KATNBL1: variants seen among roughly 807,000 people sequenced by gnomAD.
KATNBL1 encodes the protein KATNB1-like protein 1.
A neutral mutation model predicts 44.7 loss-of-function variants in KATNBL1; 28 were observed. The observed-to-expected ratio is 0.63, with a 90% CI of 0.46 to 0.86. The LOEUF is 0.86. Ranked by LOEUF, KATNBL1 falls within the 40% of genes least tolerant of loss-of-function variation. The pLI, the probability that KATNBL1 is intolerant of heterozygous loss-of-function variation, is 0.00. For synonymous variants in KATNBL1, 78 were observed against 114.9 expected, an observed-to-expected ratio of 0.68 and a Z score of 2.06; for missense variants, 272 against 350.7, an observed-to-expected ratio of 0.78 and a Z score of 1.79.
intron 1 of KATNBL1, among the ~76,000 whole-genome samples, chr15:34,183,472 C>G (rs993800074): frequency 6.6e-6 from 1 of 152,168 alleles, no homozygotes; most frequent in Non-Finnish European, 1.5e-5. Context: ...TTAGGTCAAA[C>G]AGATCCATGT....
chr15:34,179,550 C>A (rs754394599), intron 1 of KATNBL1, among the ~76,000 whole-genome samples: 1 of 152,014 alleles, frequency 6.6e-6, no homozygotes, highest in Non-Finnish European at 1.5e-5. Context: ...CCCAGGCTGG[C>A]CTCAAACTCC....
At chr15:34,192,393 G>C (rs1398015787) in intron 1 of KATNBL1, among the ~76,000 whole-genome samples, 2 of 134,846 alleles carry the variant, frequency 1.5e-5, no homozygotes, top group Non-Finnish European at 3.1e-5. Flanking sequence ...GACAGAGTGA[G>C]ACTCCATCTC....
intron 1 of KATNBL1, among the ~76,000 whole-genome samples, chr15:34,168,907 C>A (rs140155320): frequency 6.6e-6 from 1 of 152,124 alleles, no homozygotes. Context: ...AAAGACACAA[C>A]GAACCAGAAT....
chr15:34,152,355 C>A (rs1004789820), intron 4 of KATNBL1, among the ~76,000 whole-genome samples: 1 of 152,168 alleles, frequency 6.6e-6, no homozygotes, highest in Admixed American at 6.5e-5. Flanking sequence ...AGGCGCCCCC[C>A]ACCATGCCCG....
intron 1 of KATNBL1, among the ~76,000 whole-genome samples, chr15:34,166,937 G>A (rs573032221): frequency 1.8e-4 from 27 of 152,264 alleles, no homozygotes; most frequent in African/African-American, 4.6e-4. Flanking sequence ...AACCCCATCC[G>A]TAAGTCACCA....
intron 9 of KATNBL1, among the ~76,000 whole-genome samples, chr15:34,143,765 T>C (rs1228549496): frequency 1.6e-5 from 2 of 126,544 alleles, no homozygotes; most frequent in Non-Finnish European, 3.2e-5. Context: ...CTGGCTAACA[T>C]GGTGAAACCC....
At chr15:34,202,500 C>T (rs1051871775) in intron 1 of KATNBL1, among the ~76,000 whole-genome samples, 26 of 152,122 alleles carry the variant, frequency 1.7e-4, no homozygotes, top group Admixed American at 1.1e-3. Context: ...TATATTACAT[C>T]CCCAACAGTT....
intron 1 of KATNBL1, among the ~76,000 whole-genome samples, chr15:34,179,633 A>G (rs1187625989): frequency 6.6e-6 from 1 of 152,168 alleles, no homozygotes; most frequent in Non-Finnish European, 1.5e-5. Context: ...CCCACCTGGC[A>G]AGCAACAGTA....
chr15:34,209,792 C>A (rs762477769), intron 1 of KATNBL1, 159 bp downstream of exon 1: 2 of 150,742 alleles, frequency 1.3e-5, no homozygotes, highest in Non-Finnish European at 3.0e-5. Flanking sequence ...CTTGCCGCCC[C>A]GCCCCGGGAC....
At position 34,154,883 on chromosome 15, in the gene KATNBL1, C is replaced by T. The variant is rs144435444; in HGVS notation, c.118-199G>A. The T allele has an allele frequency of 4.9e-4, 283 of 581,864 alleles. 1 individual carries two copies. The East Asian group carries it at 8.0e-3, about 16-fold the overall frequency. 36.0% of individuals were successfully genotyped at this position (581,864 alleles called of 1,614,324 possible). On this transcript the variant is annotated intron_variant, in intron 2 of 9. Coordinates refer to ENST00000256544, the MANE Select transcript of KATNBL1 (RefSeq NM_024713.3). ...TTATCCCTAATGCAGCTAGTCCCTA[C>T]TACTGTGTCATTCCCCTATTGGCTA...
chr15:34,142,699 A>C (rs1888183728), intron 9 of KATNBL1: 1 of 269,752 alleles, frequency 3.7e-6, no homozygotes. Context: ...CAGCTTGACA[A>C]TAGCCTCTTT....
intron 1 of KATNBL1, among the ~76,000 whole-genome samples, chr15:34,184,305 C>A (rs868825793): frequency 8.0e-4 from 103 of 129,018 alleles, no homozygotes; most frequent in South Asian, 1.5e-3. Flanking sequence ...GACTCTGTCT[C>A]AAAAAAAAAA....
At chr15:34,149,344 T>A (rs189727854) in intron 4 of KATNBL1, among the ~76,000 whole-genome samples, 56 of 152,234 alleles carry the variant, frequency 3.7e-4, no homozygotes, top group African/African-American at 1.3e-3. Flanking sequence ...ATATAAACAC[T>A]CTGAAAAATT....
intron 1 of KATNBL1, among the ~76,000 whole-genome samples, chr15:34,166,741 G>A (rs1297395436): frequency 1.3e-5 from 2 of 152,216 alleles, no homozygotes; most frequent in South Asian, 2.1e-4. Context: ...AGCTTCCAGA[G>A]GAAGGATCAG....
chr15:34,206,076 T>G (rs1418315680), intron 1 of KATNBL1, among the ~76,000 whole-genome samples: 2 of 152,208 alleles, frequency 1.3e-5, no homozygotes. Context: ...CAGATGAGAT[T>G]AAATCACTTG....
At chr15:34,193,109 C>A (rs972811921) in intron 1 of KATNBL1, among the ~76,000 whole-genome samples, 4 of 145,008 alleles carry the variant, frequency 2.8e-5, no homozygotes, top group Non-Finnish European at 6.0e-5. Flanking sequence ...CCCAGCTACT[C>A]GGGAGGCTGA....
intron 2 of KATNBL1, among the ~76,000 whole-genome samples, chr15:34,161,032 A>G (rs560748179): frequency 6.6e-6 from 1 of 152,268 alleles, no homozygotes; most frequent in African/African-American, 2.4e-5. Flanking sequence ...AGGTTGGTAT[A>G]AACTCCAACC....
In KATNBL1 at chr15:34,141,390, GC is replaced by G. The variant is rs1888146644; in HGVS notation, c.*948del. 6.6e-6 allele frequency: 1 copy of G among 152,286 alleles called. No homozygotes were observed. The highest frequency in any genetic ancestry group is 1.5e-5 in the Non-Finnish European group (1 of 67,894). 9.4% of individuals were successfully genotyped at this position (152,286 alleles called of 1,614,324 possible). On this transcript the variant is annotated 3_prime_UTR_variant, in exon 10 of 10. Transcript: ENST00000256544. ...TCATATAAAATCAGAATTTAAAAAA[GC>G]AAAAAATAGAAATATTTAGTGAATT... is the stretch of plus-strand genomic sequence containing the variant.
At chr15:34,170,824 A>C (rs1305041096) in intron 1 of KATNBL1, among the ~76,000 whole-genome samples, 5 of 152,258 alleles carry the variant, frequency 3.3e-5, no homozygotes, top group African/African-American at 1.2e-4. Context: ...CCTGACAACA[A>C]GCAATGGGGA....
Sources: gnomAD v4.1 joint callset for allele counts (sites outside exome capture counted in the v4.1 genomes callset) on GRCh38, gnomAD v4.1.1 for gene constraint, MANE v1.5 for transcripts, NCBI Gene and HGNC (gene_info 2026-07-23, HGNC 2026-07-21) for gene names.